Variants in LPP observed in about 807,000 individuals in gnomAD.
LPP encodes the protein LIM domain containing preferred translocation partner in lipoma.
LPP carries 38 observed loss-of-function variants against 60.4 expected under a neutral mutation model. The ratio of observed to expected loss-of-function variants is 0.63; its 90% CI spans 0.49 to 0.83. The LOEUF (loss-of-function observed/expected upper bound fraction) is 0.83. LPP is among the 40% of genes least tolerant of loss of function. The pLI is 0.00. For synonymous variants in LPP, 328 were observed against 290.8 expected (o/e 1.13, Z -1.30); for missense variants, 902 against 783.6 (o/e 1.15, Z -1.80).
chr3:188,517,195 G>T (rs1373344585), intron 5 of LPP, among the ~76,000 whole-genome samples: 1 of 152,102 alleles, frequency 6.6e-6, no homozygotes, highest in Non-Finnish European at 1.5e-5. Context: ...ATTGTTGAAG[G>T]TCACAAAGCC....
intron 9 of LPP, among the ~76,000 whole-genome samples, chr3:188,762,617 T>A (rs12493283): frequency 6.6e-6 from 1 of 152,126 alleles, no homozygotes; most frequent in East Asian, 1.9e-4. Flanking sequence ...CCAGGCATAG[T>A]ATGGGTCTCT....
intron 1 of LPP, among the ~76,000 whole-genome samples, chr3:188,218,243 C>T (rs952811565): frequency 2.6e-5 from 4 of 152,202 alleles, no homozygotes; most frequent in Non-Finnish European, 5.9e-5. Context: ...CAGTTGCTGC[C>T]CTTTGGCAGT....
At chr3:188,248,653 A>T (rs2149532719) in intron 2 of LPP, among the ~76,000 whole-genome samples, 1 of 151,442 alleles carries the variant, frequency 6.6e-6, no homozygotes, top group Middle Eastern at 3.4e-3. Flanking sequence ...TTCCCTTTCC[A>T]AACTTATCCA....
At chr3:188,164,212 C>T (rs1481961342) in intron 1 of LPP, among the ~76,000 whole-genome samples, 2 of 152,152 alleles carry the variant, frequency 1.3e-5, no homozygotes, top group African/African-American at 2.4e-5. Flanking sequence ...GACCAGGATT[C>T]AGCAGGCAGC....
intron 9 of LPP, among the ~76,000 whole-genome samples, chr3:188,803,869 G>A (rs1748095220): frequency 6.6e-6 from 1 of 152,112 alleles, no homozygotes; most frequent in South Asian, 2.1e-4. Context: ...GATTAGAATT[G>A]TTGAATGTAG....
At chr3:188,846,527 T>C (rs1205789019) in intron 9 of LPP, among the ~76,000 whole-genome samples, 1 of 151,634 alleles carries the variant, frequency 6.6e-6, no homozygotes, top group Non-Finnish European at 1.5e-5. Flanking sequence ...CTACTAAAAA[T>C]ACAAAAATTA....
At chr3:188,240,983 G>A (rs991274374) in intron 2 of LPP, among the ~76,000 whole-genome samples, 6 of 152,196 alleles carry the variant, frequency 3.9e-5, no homozygotes, top group Non-Finnish European at 8.8e-5. Flanking sequence ...AATGAAAAAT[G>A]TTAAGATGTT....
chr3:188,847,000 A>G (rs1761610281), intron 9 of LPP, among the ~76,000 whole-genome samples: 1 of 152,188 alleles, frequency 6.6e-6, no homozygotes, highest in Non-Finnish European at 1.5e-5. Flanking sequence ...CTATACATTT[A>G]TTGTGTTTGA....
chr3:188,388,001 GT>G (rs1253841689), intron 3 of LPP, among the ~76,000 whole-genome samples: 3 of 151,140 alleles, frequency 2.0e-5, no homozygotes, highest in Admixed American at 6.6e-5. Context: ...TAAATATGTT[GT>G]TTTTTTGGTA....
At chr3:188,860,761 C>A (rs535798328) in intron 9 of LPP, among the ~76,000 whole-genome samples, 2 of 152,156 alleles carry the variant, frequency 1.3e-5, no homozygotes, top group African/African-American at 2.4e-5. Flanking sequence ...TGGGATCCAA[C>A]GACGAGTTTT....
At position 188,776,772 on chromosome 3, in the gene LPP, A is replaced by T. The variant is rs574624163; in HGVS notation, c.1410+16490A>T. 9.3e-4 allele frequency among the ~76,000 whole-genome samples: 142 copies of T among 152,330 alleles called. 1 individual carries two copies. The highest frequency in any genetic ancestry group is 1.9e-3 in the Admixed American group (29 of 15,308). Reference sequence around the variant, plus strand: ...GTGGAAGTCAATTCTCATGCCATTTAAACTGGAAGAAACTGAAGATTCTCC... The same window carrying T: ...GTGGAAGTCAATTCTCATGCCATTTTAACTGGAAGAAACTGAAGATTCTCC... On this transcript the variant is annotated intron_variant, in intron 9 of 11. Coordinates refer to ENST00000617246, the MANE Select transcript of LPP (RefSeq NM_001375462.1).
chr3:188,415,376 G>A (rs922393751), intron 4 of LPP, among the ~76,000 whole-genome samples: 15 of 152,000 alleles, frequency 9.9e-5, no homozygotes, highest in South Asian at 2.1e-4. Context: ...ACTCTTTGGC[G>A]GTATTTTACA....
intron 6 of LPP, among the ~76,000 whole-genome samples, chr3:188,542,655 A>G (rs1159778678): frequency 6.6e-6 from 1 of 152,216 alleles, no homozygotes; most frequent in Non-Finnish European, 1.5e-5. Context: ...TATGCAAGAC[A>G]TCCTACACAC....
intron 9 of LPP, among the ~76,000 whole-genome samples, chr3:188,805,313 T>C (rs1560228540): frequency 6.6e-6 from 1 of 151,996 alleles, no homozygotes; most frequent in Non-Finnish European, 1.5e-5. Flanking sequence ...TGAAGCCATC[T>C]GGACCTGGAA....
In LPP at chr3:188,641,106, A is replaced by C. The variant is rs1452119174; in HGVS notation, c.1113+31262A>C. 2.0e-5 allele frequency among the ~76,000 whole-genome samples: 3 copies of C among 152,254 alleles called. No homozygotes were observed. The East Asian group carries it at 5.8e-4, about 29-fold the overall frequency. On this transcript the variant is annotated intron_variant, in intron 7 of 11. Transcript: ENST00000617246. ...AAGGTTAAATCTAAAGAAGTAATTA[A>C]GGCTCCACATTTCTGATTTGCAGGA...
At chr3:188,334,009 T>A (rs1760874448) in intron 2 of LPP, among the ~76,000 whole-genome samples, 1 of 152,218 alleles carries the variant, frequency 6.6e-6, no homozygotes, top group Non-Finnish European at 1.5e-5. Flanking sequence ...TTACCAACCT[T>A]TGGCTATCCT....
intron 4 of LPP, among the ~76,000 whole-genome samples, chr3:188,449,917 G>A (rs1326240925): frequency 6.6e-6 from 1 of 152,062 alleles, no homozygotes; most frequent in Non-Finnish European, 1.5e-5. Flanking sequence ...CAATTCTTCT[G>A]CCTCAGCCTC....
rs1843350748 is a variant in LPP at position 188,609,980 on chromosome 3, G to A, written c.1113+136G>A. The A allele has an allele frequency of 4.8e-6, 4 of 839,372 alleles. No individual in the cohort carries two copies. In the South Asian group the frequency reaches 5.5e-5, roughly 11 times the overall value. The allele number at this position is 839,372 out of a possible 1,614,324, so 52.0% of individuals were successfully genotyped here. A position where few individuals can be genotyped will look rare whatever the true frequency, so the allele number is the denominator to read the frequency against. On this transcript the variant is annotated intron_variant, in intron 7 of 11. Coordinates refer to ENST00000617246, the MANE Select transcript of LPP (RefSeq NM_001375462.1). The surrounding 1 kb of genome is among the most constrained non-coding windows in gnomAD (Gnocchi z 6.9). ...GACAAATACAATCCCAGGGAAGGAT[G>A]AGTGAAGCCAGAGAGGAGAGAGAGA...
intron 2 of LPP, among the ~76,000 whole-genome samples, chr3:188,272,537 C>A (rs1340043005): frequency 1.3e-5 from 2 of 152,096 alleles, no homozygotes; most frequent in Non-Finnish European, 1.5e-5. Context: ...ACTTTGAGCT[C>A]TCTGTGAGCC....
Sources: allele counts gnomAD v4.1 joint callset (sites outside exome capture counted in the v4.1 genomes callset), GRCh38; gene constraint gnomAD v4.1.1; non-coding constraint Gnocchi (gnomAD v3.1); transcripts MANE v1.5; gene names NCBI Gene and HGNC (gene_info 2026-07-23, HGNC 2026-07-21).